Variants in CACNA1D observed in about 807,000 individuals in gnomAD.
The protein encoded by CACNA1D is voltage-dependent L-type calcium channel subunit alpha-1D.
Under a neutral mutation model 257.1 loss-of-function variants are expected in CACNA1D, and 55 were observed. The observed-to-expected ratio is 0.21, with a 90% confidence interval of 0.17 to 0.27. The LOEUF (loss-of-function observed/expected upper bound fraction) is 0.27. CACNA1D is among the 10% of genes least tolerant of loss of function. The pLI is 1.00. For synonymous variants in CACNA1D, 980 were observed against 1,014.9 expected (o/e 0.97, Z 0.65); for missense variants, 1,876 against 2,784.0 (o/e 0.67, Z 7.34).
chr3:53,585,577 T>C (rs1198709237), intron 3 of CACNA1D, among the ~76,000 whole-genome samples: 1 of 152,074 alleles, frequency 6.6e-6, no homozygotes, highest in African/African-American at 2.4e-5. Flanking sequence ...TGGTGTCACA[T>C]GAATTGAACA....
chr3:53,784,153 C>A (rs951570920), intron 39 of CACNA1D, among the ~76,000 whole-genome samples: 1 of 152,166 alleles, frequency 6.6e-6, no homozygotes, highest in Admixed American at 6.5e-5. Context: ...TCCGCTGCCC[C>A]CTCACCATCA....
chr3:53,605,331 C>T (rs1452703777), intron 3 of CACNA1D, among the ~76,000 whole-genome samples: 1 of 152,136 alleles, frequency 6.6e-6, no homozygotes, highest in East Asian at 1.9e-4. Context: ...AAAGTACTTT[C>T]ATCTTTCCAG....
Position 53,746,770 on chromosome 3 carries a change from G to A in CACNA1D, c.3168-532G>A, listed in dbSNP as rs750449784. On this transcript the variant is annotated intron_variant, in intron 25 of 47. Transcript: ENST00000350061. Reference sequence around the variant, plus strand: ...TTCATTTGTAAAATAAAGATATTGCGCTTTATCTCTTGGGTTCCTTCCAGA... The same window carrying A: ...TTCATTTGTAAAATAAAGATATTGCACTTTATCTCTTGGGTTCCTTCCAGA... Among the ~76,000 whole-genome samples the A allele has an allele frequency of 4.6e-5, 7 of 152,252 alleles. No homozygotes were observed. The East Asian group carries it at 9.6e-4, about 21-fold the overall frequency.
chr3:53,738,681 T>C (rs2095083580), intron 20 of CACNA1D, among the ~76,000 whole-genome samples: 2 of 152,196 alleles, frequency 1.3e-5, no homozygotes, highest in South Asian at 4.1e-4. Flanking sequence ...CTTAAATAGA[T>C]GTACATATGT....
In CACNA1D at chr3:53,674,932, A is replaced by G. The variant is rs142127501; in HGVS notation, c.1220+1806A>G. ...TTTATCTTGCTCTTTCCGAGGCTGT[A>G]TCTCGGGGAAGTGATGTCTTCATGT... is the stretch of plus-strand genomic sequence containing the variant. On this transcript the variant is annotated intron_variant, in intron 8 of 47. Transcript: ENST00000350061. 4.4e-3 allele frequency among the ~76,000 whole-genome samples: 672 copies of G among 152,344 alleles called. 7 individuals carry two copies. Among genetic ancestry groups the G allele is most frequent in the African/African-American group, 0.016 (648 of 41,572 alleles).
chr3:53,794,315 C>A (rs1167275970), intron 40 of CACNA1D, among the ~76,000 whole-genome samples: 3 of 152,138 alleles, frequency 2.0e-5, no homozygotes, highest in South Asian at 2.1e-4. Flanking sequence ...ACTAACAGTT[C>A]TAGGGTGGGT....
Position 53,723,564 on chromosome 3 carries a change from C to A in CACNA1D, c.1797C>A (p.Ile599=). Residue 599 remains isoleucine (I), a synonymous_variant, in exon 13 of 48, where the codon ATC becomes ATA. Transcript: ENST00000350061. This position sits in a 1 kb window ranked among gnomAD's most constrained non-coding sequence, Gnocchi z 5.6. ...RFDCFVVCGG[I]TETILVELEI... is the part of the protein sequence containing the mutation. The stretch of plus-strand genomic sequence containing the variant: ...ATTGCTTCGTGGTGTGTGGTGGAAT[C>A]ACTGAGACGATCTTGGTGGAACTGG... The A allele has an allele frequency of 6.2e-7, 1 of 1,614,100 alleles. No homozygotes were observed. The highest frequency in any genetic ancestry group is 2.2e-5 in the East Asian group (1 of 44,888).
At chr3:53,554,980 G>A in intron 3 of CACNA1D, among the ~76,000 whole-genome samples, 1 of 152,112 alleles carries the variant, frequency 6.6e-6, no homozygotes, top group Admixed American at 6.5e-5. Context: ...TTTCAAATTT[G>A]CATTGTGAAT....
intron 3 of CACNA1D, among the ~76,000 whole-genome samples, chr3:53,642,343 C>T (rs1262817911): frequency 6.6e-6 from 1 of 152,338 alleles, no homozygotes; most frequent in Non-Finnish European, 1.5e-5. Flanking sequence ...CCAGGGAAAG[C>T]TCCCAGACTT....
chr3:53,609,149 G>A (rs1250581596), intron 3 of CACNA1D, among the ~76,000 whole-genome samples: 3 of 152,232 alleles, frequency 2.0e-5, no homozygotes, highest in Admixed American at 2.0e-4. Context: ...TGTGGCTCAC[G>A]CCTGTAATCC....
At position 53,801,187 on chromosome 3, in the gene CACNA1D, A is replaced by G; in HGVS notation, c.5170A>G (p.Thr1724Ala). ...GCCTTCAATTCCACCTGCAAGTGAT[A>G]CTGAGAAACCGCTGTTTCCTCCAGC... is the stretch of plus-strand genomic sequence containing the variant. ...QRPSIPPASD[T>A]EKPLFPPAGN... The change falls in exon 42 of 48, where the codon ACT becomes GCT. Residue 1724 changes from threonine to alanine, a missense_variant. Coordinates refer to ENST00000350061, the MANE Select transcript of CACNA1D (RefSeq NM_001128840.3). 1 of 1,614,006 alleles carries G rather than the reference A, an allele frequency of 6.2e-7. No homozygotes were observed. Among genetic ancestry groups the G allele is most frequent in the Non-Finnish European group, 8.5e-7 (1 of 1,179,906 alleles).
intron 9 of CACNA1D, among the ~76,000 whole-genome samples, chr3:53,717,189 C>T (rs1366136414): frequency 1.3e-5 from 2 of 152,208 alleles, no homozygotes; most frequent in Non-Finnish European, 2.9e-5. Context: ...AGGAAGTACA[C>T]GTGGATTCTC....
intron 3 of CACNA1D, among the ~76,000 whole-genome samples, chr3:53,563,384 C>T (rs968474268): frequency 6.6e-6 from 1 of 152,006 alleles, no homozygotes; most frequent in African/African-American, 2.4e-5. Flanking sequence ...AGTAACCAGG[C>T]GTGGTCGTGG....
Position 53,800,773 on chromosome 3 carries a change from G to C in CACNA1D, c.5041-285G>C. 1 of 537,736 alleles carries C rather than the reference G, an allele frequency of 1.9e-6. No homozygotes were observed. Among genetic ancestry groups the C allele is most frequent in the Non-Finnish European group, 3.4e-6 (1 of 298,418 alleles). The allele number at this position is 537,736 out of a possible 1,614,324, so 33.3% of individuals were successfully genotyped here. ...AACCTTGGGGCCACCAGCCAGCCCA[G>C]CTGGGTATAAGTCACCCCAACTTGG... On this transcript the variant is annotated intron_variant, in intron 41 of 47. Transcript: ENST00000350061. This position sits in a 1 kb window ranked among gnomAD's most constrained non-coding sequence, Gnocchi z 4.3.
intron 3 of CACNA1D, among the ~76,000 whole-genome samples, chr3:53,587,337 G>T (rs552018647): frequency 6.6e-5 from 10 of 152,152 alleles, no homozygotes; most frequent in Non-Finnish European, 1.5e-4. Flanking sequence ...TTTGGTTGTG[G>T]TAGAGGACAA....
chr3:53,808,811 C>A (rs1576746426), intron 46 of CACNA1D, 41 bp downstream of exon 46: 1 of 1,592,268 alleles, frequency 6.3e-7, no homozygotes, highest in Non-Finnish European at 8.5e-7. Flanking sequence ...CCTAGGGGCA[C>A]CCCACATAGG....
intron 8 of CACNA1D, among the ~76,000 whole-genome samples, chr3:53,683,645 A>G (rs1313414966): frequency 6.6e-6 from 1 of 152,246 alleles, no homozygotes; most frequent in Non-Finnish European, 1.5e-5. Context: ...CTTTGAAGTC[A>G]CTACTATGAG....
chr3:53,546,523 A>G (rs568271482), intron 3 of CACNA1D, among the ~76,000 whole-genome samples: 129 of 152,284 alleles, frequency 8.5e-4, no homozygotes, highest in Middle Eastern at 3.4e-3. Flanking sequence ...TCACAACCAT[A>G]ATTTAGCTTC....
At chr3:53,753,537 G>A in intron 28 of CACNA1D, 35 bp from the exon 29 acceptor site, 1 of 1,350,886 alleles carries the variant, frequency 7.4e-7, no homozygotes, top group Non-Finnish European at 1.1e-6. Flanking sequence ...TCGTGGCTGA[G>A]GCTCTGAGAA....
Sources: allele counts gnomAD v4.1 joint callset (sites outside exome capture counted in the v4.1 genomes callset), GRCh38; gene constraint gnomAD v4.1.1; non-coding constraint Gnocchi (gnomAD v3.1); transcripts MANE v1.5; gene names NCBI Gene and HGNC (gene_info 2026-07-23, HGNC 2026-07-21).